Variants in MAST4 observed in about 807,000 individuals in gnomAD.
MAST4 encodes microtubule-associated serine/threonine-protein kinase 4.
A neutral mutation model predicts 162.7 loss-of-function variants in MAST4; 89 were observed. That is an observed-to-expected ratio of 0.55 (90% CI 0.46 to 0.65). The LOEUF is 0.65. Among genes scored for constraint, MAST4 ranks in the 30% least tolerant of loss-of-function variants. The pLI is 0.00. For synonymous variants in MAST4, 1,479 were observed against 1,361.1 expected (o/e 1.09, Z -1.91); for missense variants, 3,153 against 3,374.0 (o/e 0.93, Z 1.62).
chr5:66,953,928 G>A (rs1335126396), intron 4 of MAST4, among the ~76,000 whole-genome samples: 1 of 152,150 alleles, frequency 6.6e-6, no homozygotes, highest in Non-Finnish European at 1.5e-5. Context: ...AACCAAAAAT[G>A]TCTTCAGACA....
At chr5:66,849,412 C>A (rs1053382961) in intron 3 of MAST4, among the ~76,000 whole-genome samples, 3 of 152,116 alleles carry the variant, frequency 2.0e-5, no homozygotes, top group Non-Finnish European at 1.5e-5. Context: ...TGTCTATTCT[C>A]CCCTCCACCT....
At chr5:67,116,227 A>T (rs1182652626) in intron 12 of MAST4, among the ~76,000 whole-genome samples, 1 of 151,704 alleles carries the variant, frequency 6.6e-6, no homozygotes, top group Non-Finnish European at 1.5e-5. Flanking sequence ...TGTTTTGGAG[A>T]TGAAGACTTG....
intron 1 of MAST4, among the ~76,000 whole-genome samples, chr5:66,621,150 C>T (rs17209451): frequency 0.64 from 97,277 of 151,932 alleles, 31,442 homozygotes; most frequent in African/African-American, 0.72. Flanking sequence ...AAAATGAAGT[C>T]GGAGATTTAC....
At chr5:67,090,890 T>C (rs1195461937) in intron 6 of MAST4, among the ~76,000 whole-genome samples, 1 of 152,052 alleles carries the variant, frequency 6.6e-6, no homozygotes, top group Non-Finnish European at 1.5e-5. Flanking sequence ...TGCTTCGCCC[T>C]GTCAGATGCA....
intron 2 of MAST4, among the ~76,000 whole-genome samples, chr5:66,763,537 T>C (rs1753946683): frequency 6.6e-6 from 1 of 152,170 alleles, no homozygotes; most frequent in South Asian, 2.1e-4. Flanking sequence ...GGCAAATGAA[T>C]ACTGCTTAAA....
intron 4 of MAST4, among the ~76,000 whole-genome samples, chr5:67,006,705 G>A (rs1443239590): frequency 6.6e-6 from 1 of 152,192 alleles, no homozygotes; most frequent in African/African-American, 2.4e-5. Flanking sequence ...ATTGGAGAGA[G>A]TCAGATGCAG....
At chr5:66,921,541 G>A (rs1245398391) in intron 4 of MAST4, among the ~76,000 whole-genome samples, 1 of 152,162 alleles carries the variant, frequency 6.6e-6, no homozygotes, top group African/African-American at 2.4e-5. Flanking sequence ...CAGATCACTT[G>A]AGCTTAGGAA....
chr5:66,958,808 G>A (rs1199304535), intron 4 of MAST4: 2 of 162,832 alleles, frequency 1.2e-5, no homozygotes, highest in African/African-American at 4.8e-5. Flanking sequence ...AGCATCACAG[G>A]GAGGTGGGGA....
intron 4 of MAST4, among the ~76,000 whole-genome samples, chr5:66,974,074 T>C (rs1463116250): frequency 1.3e-5 from 2 of 152,154 alleles, no homozygotes; most frequent in Non-Finnish European, 2.9e-5. Flanking sequence ...TTCACTTCCT[T>C]AGCATCTATA....
At chr5:66,599,241 G>A (rs966776120) in intron 1 of MAST4, among the ~76,000 whole-genome samples, 8 of 152,178 alleles carry the variant, frequency 5.3e-5, no homozygotes, top group African/African-American at 1.9e-4. Flanking sequence ...GTGATGGTAT[G>A]GGGCAGGGGG....
chr5:66,862,151 A>G (rs952890706), intron 3 of MAST4, among the ~76,000 whole-genome samples: 5 of 152,238 alleles, frequency 3.3e-5, no homozygotes, highest in African/African-American at 1.2e-4. Context: ...AAGTCTAATT[A>G]TCAGAGCCAT....
chr5:66,776,406 G>T (rs1046404970), intron 2 of MAST4, among the ~76,000 whole-genome samples: 1 of 152,096 alleles, frequency 6.6e-6, no homozygotes, highest in African/African-American at 2.4e-5. Context: ...GTTGTCCTCT[G>T]GGGTATTGAG....
At chr5:66,784,537 C>T (rs1012170267) in intron 2 of MAST4, among the ~76,000 whole-genome samples, 3 of 152,180 alleles carry the variant, frequency 2.0e-5, no homozygotes, top group Non-Finnish European at 4.4e-5. Context: ...GACAGATCTA[C>T]CATACTCCTC....
At chr5:66,623,006 A>T (rs1744176707) in intron 1 of MAST4, 1 of 152,228 alleles carries the variant, frequency 6.6e-6, no homozygotes, top group South Asian at 2.1e-4. Flanking sequence ...TAAGTTATGG[A>T]CTTTGTGCTA....
intron 1 of MAST4, among the ~76,000 whole-genome samples, chr5:66,669,144 T>A (rs1309051485): frequency 1.3e-5 from 2 of 152,194 alleles, no homozygotes; most frequent in African/African-American, 4.8e-5. Context: ...TTCCTTCTCC[T>A]CCACCATCTA....
intron 4 of MAST4, among the ~76,000 whole-genome samples, chr5:66,935,654 T>TTTTC (rs550841451): frequency 4.6e-4 from 69 of 151,144 alleles, no homozygotes; most frequent in African/African-American, 9.8e-4. Context: ...CCATAGACTT[T>TTTTC]TTTCTTTCTT....
In MAST4 at chr5:67,081,090, AATATATAATTGTATATATTATATAT is replaced by A. The variant is rs1295650042; in HGVS notation, c.764-9071_764-9047del. ...TAATATATAATTGTATATATTATAT[AATATATAATTGTATATATTATATAT>A]TTTTTTTTAACAGAGGTTTTAAATC... is the stretch of plus-strand genomic sequence containing the variant. On this transcript the variant is annotated intron_variant, in intron 5 of 28. Transcript: ENST00000403625. Among the ~76,000 whole-genome samples, 20 of 138,536 alleles carry A rather than the reference AATATATAATTGTATATATTATATAT, an allele frequency of 1.4e-4. 2 individuals carry two copies. The highest frequency in any genetic ancestry group is 4.3e-4 in the South Asian group (2 of 4,624). 90.9% of individuals were successfully genotyped at this position (138,536 alleles called of 152,430 possible). A position where few individuals can be genotyped will look rare whatever the true frequency, so the allele number is the denominator to read the frequency against.
At chr5:66,832,207 G>GC (rs765586403) in intron 3 of MAST4, among the ~76,000 whole-genome samples, 146 of 148,478 alleles carry the variant, frequency 9.8e-4, no homozygotes, top group Non-Finnish European at 1.8e-3. Context: ...CCCCACACAC[G>GC]CCCCCCAATT....
At chr5:66,981,843 G>C (rs73766113) in intron 4 of MAST4, among the ~76,000 whole-genome samples, 2 of 152,170 alleles carry the variant, frequency 1.3e-5, no homozygotes, top group African/African-American at 4.8e-5. Flanking sequence ...GCCAAGATCA[G>C]TTGGCTCAGT....
Sources: gnomAD v4.1 joint callset for allele counts (sites outside exome capture counted in the v4.1 genomes callset) on GRCh38, gnomAD v4.1.1 for gene constraint, MANE v1.5 for transcripts, NCBI Gene and HGNC (gene_info 2026-07-23, HGNC 2026-07-21) for gene names.